CNTNAP2: variants seen among roughly 807,000 people sequenced by gnomAD.
The protein encoded by CNTNAP2 is contactin-associated protein-like 2.
In CNTNAP2, 98 loss-of-function variants were observed where a neutral mutation model predicts 155.2. The ratio of observed to expected loss-of-function variants is 0.63; its 90% CI spans 0.54 to 0.75. CNTNAP2 has a LOEUF of 0.75. Among genes scored for constraint, CNTNAP2 ranks in the 30% least tolerant of loss-of-function variants. CNTNAP2 has a pLI of 0.00. For missense variants in CNTNAP2, 1,727 were observed against 1,688.1 expected (o/e 1.02, Z -0.40); for synonymous variants, 651 against 631.2 (o/e 1.03, Z -0.47).
At chr7:147,147,393 T>A (rs184766266) in intron 8 of CNTNAP2, among the ~76,000 whole-genome samples, 104 of 152,300 alleles carry the variant, frequency 6.8e-4, no homozygotes, top group Admixed American at 1.6e-3. Flanking sequence ...GCAAACAGTT[T>A]CTTTTTAAAA....
chr7:147,315,781 A>G (rs900494365), intron 9 of CNTNAP2, among the ~76,000 whole-genome samples: 2 of 152,004 alleles, frequency 1.3e-5, no homozygotes, highest in Non-Finnish European at 2.9e-5. Flanking sequence ...ACCTGGCCTT[A>G]TTCTGGACAT....
chr7:147,391,490 C>T (rs1345118258), intron 9 of CNTNAP2, among the ~76,000 whole-genome samples: 1 of 152,032 alleles, frequency 6.6e-6, no homozygotes, highest in African/African-American at 2.4e-5. Context: ...GGTGGTGTTA[C>T]CTCCAATATA....
intron 1 of CNTNAP2, among the ~76,000 whole-genome samples, chr7:146,726,815 C>G (rs1340116387): frequency 1.3e-5 from 2 of 152,002 alleles, no homozygotes; most frequent in African/African-American, 4.8e-5. Flanking sequence ...ATGCCATTGT[C>G]ATGTTTAAAT....
intron 1 of CNTNAP2, among the ~76,000 whole-genome samples, chr7:146,664,555 T>C (rs1454175923): frequency 6.6e-6 from 1 of 152,202 alleles, no homozygotes; most frequent in African/African-American, 2.4e-5. Context: ...TTGCTGGATG[T>C]GATATGTAAG....
chr7:146,673,498 C>A (rs889738620), intron 1 of CNTNAP2, among the ~76,000 whole-genome samples: 1 of 152,164 alleles, frequency 6.6e-6, no homozygotes, highest in African/African-American at 2.4e-5. Flanking sequence ...ACATAGTGAA[C>A]TGTAACCTAA....
chr7:147,931,098 G>A (rs188349074), intron 14 of CNTNAP2, among the ~76,000 whole-genome samples: 1 of 150,858 alleles, frequency 6.6e-6, no homozygotes, highest in African/African-American at 2.4e-5. Context: ...AAAGAAGAAC[G>A]CAAATCAACA....
rs1458849922 is a variant in CNTNAP2, at chr7:146,774,332, C to T, written c.159C>T (p.Ser53=). The T allele has an allele frequency of 6.2e-7, 1 of 1,614,044 alleles. No homozygotes were observed. The highest frequency in any genetic ancestry group is 2.2e-5 in the East Asian group (1 of 44,866). The change falls in exon 2 of 24, where the codon TCC becomes TCT. Residue 53 remains serine, a synonymous_variant. Transcript: ENST00000361727. ...LPHVAFSSSS[S]ISGSYSPGYA... is the part of the protein sequence containing the mutation. ...ATGTGGCTTTCAGCAGCTCCTCCTCCATCTCTGGTAGCTATTCTCCCGGCT... is the reference window on the plus strand; with the variant it reads ...ATGTGGCTTTCAGCAGCTCCTCCTCTATCTCTGGTAGCTATTCTCCCGGCT...
intron 10 of CNTNAP2, among the ~76,000 whole-genome samples, chr7:147,484,839 A>G (rs1206142108): frequency 1.3e-5 from 2 of 152,238 alleles, no homozygotes; most frequent in Non-Finnish European, 2.9e-5. Context: ...ACCCATGATT[A>G]TAGATTCTGC....
intron 2 of CNTNAP2, among the ~76,000 whole-genome samples, chr7:146,792,246 A>C (rs1267802049): frequency 6.6e-6 from 1 of 151,384 alleles, no homozygotes; most frequent in East Asian, 1.9e-4. Flanking sequence ...ATGACATCTT[A>C]TATCAAAAAA....
intron 1 of CNTNAP2, among the ~76,000 whole-genome samples, chr7:146,531,911 AG>A (rs1384257451): frequency 6.6e-6 from 1 of 152,126 alleles, no homozygotes; most frequent in Non-Finnish European, 1.5e-5. Flanking sequence ...AGAAGCAGAA[AG>A]AGCACTATTT....
chr7:146,311,927 G>A (rs990870950), intron 1 of CNTNAP2: 2 of 151,824 alleles, frequency 1.3e-5, no homozygotes, highest in African/African-American at 2.4e-5. Flanking sequence ...GACAGAGGAA[G>A]GACAATCAAT....
At chr7:147,199,103 A>G (rs2116543726) in intron 8 of CNTNAP2, among the ~76,000 whole-genome samples, 1 of 152,030 alleles carries the variant, frequency 6.6e-6, no homozygotes, top group South Asian at 2.1e-4. Flanking sequence ...CTGGGACTAC[A>G]GGCGCACACC....
chr7:148,333,544 C>T (rs900581587), intron 21 of CNTNAP2, among the ~76,000 whole-genome samples: 44 of 152,052 alleles, frequency 2.9e-4, no homozygotes, highest in Non-Finnish European at 2.2e-4. Flanking sequence ...CATGAGGTAA[C>T]CTCATGCCAT....
intron 11 of CNTNAP2, among the ~76,000 whole-genome samples, chr7:147,502,508 G>T (rs1798832998): frequency 1.3e-5 from 2 of 152,146 alleles, no homozygotes; most frequent in Admixed American, 1.3e-4. Context: ...TAGGGACAAT[G>T]GAGAAATGTT....
At position 146,486,213 on chromosome 7, in the gene CNTNAP2, C is replaced by T. The variant is rs952463175; in HGVS notation, c.98-288058C>T. On this transcript the variant is annotated intron_variant, in intron 1 of 23. Transcript: ENST00000361727. ...CCGAGTAGCTGGGACTACAGGCACC[C>T]GCCACCGCGCCCGGCTAATTTTTTG... Among the ~76,000 whole-genome samples, 65 of 151,710 alleles carry T rather than the reference C, an allele frequency of 4.3e-4. 2 individuals are homozygous for T. The highest frequency in any genetic ancestry group is 9.8e-4 in the Admixed American group (15 of 15,250).
chr7:146,175,909 A>G (rs1398255138), intron 1 of CNTNAP2, among the ~76,000 whole-genome samples: 1 of 151,692 alleles, frequency 6.6e-6, no homozygotes, highest in Admixed American at 6.6e-5. Flanking sequence ...ACCCTATTGC[A>G]GTTGTGAAAT....
At chr7:147,839,982 G>A (rs1361270015) in intron 13 of CNTNAP2, among the ~76,000 whole-genome samples, 1 of 150,390 alleles carries the variant, frequency 6.6e-6, no homozygotes, top group East Asian at 2.0e-4. Context: ...ATACTACTCA[G>A]CCATAAACAA....
chr7:147,205,511 G>C (rs536649952), intron 8 of CNTNAP2, among the ~76,000 whole-genome samples: 1 of 151,958 alleles, frequency 6.6e-6, no homozygotes, highest in African/African-American at 2.4e-5. Context: ...TTACATTTTT[G>C]TGTCCTCTTC....
At chr7:146,733,068 C>G (rs924234649) in intron 1 of CNTNAP2, among the ~76,000 whole-genome samples, 1 of 152,020 alleles carries the variant, frequency 6.6e-6, no homozygotes, top group African/African-American at 2.4e-5. Flanking sequence ...TCATAGACCA[C>G]TAATAGAAAA....
Sources: allele counts gnomAD v4.1 joint callset (sites outside exome capture counted in the v4.1 genomes callset), GRCh38; gene constraint gnomAD v4.1.1; transcripts MANE v1.5; gene names NCBI Gene and HGNC (gene_info 2026-07-23, HGNC 2026-07-21).